Variants in SUPT6H observed in about 807,000 individuals in gnomAD.
SUPT6H encodes transcription elongation factor SPT6.
In SUPT6H, 11 loss-of-function variants were observed where a neutral mutation model predicts 222.3. That is an observed-to-expected ratio of 0.05 (90% CI 0.03 to 0.08). The LOEUF (loss-of-function observed/expected upper bound fraction) is 0.08, where lower values mean the gene tolerates loss of function less well. SUPT6H is among the 10% of genes least tolerant of loss of function. The probability of loss-of-function intolerance (pLI) is 1.00; values close to 1 mark genes in which losing one functional copy is unlikely to be tolerated. For synonymous variants in SUPT6H, 762 were observed against 801.2 expected (o/e 0.95, Z 0.83); for missense variants, 1,422 against 2,216.0 (o/e 0.64, Z 7.19).
chr17:28,663,860 T>C (rs2072116680), intron 1 of SUPT6H, among the ~76,000 whole-genome samples: 1 of 139,522 alleles, frequency 7.2e-6, no homozygotes, highest in Admixed American at 7.2e-5. Flanking sequence ...AGACAGGGTC[T>C]TGCTCTGTTG....
intron 25 of SUPT6H, 91 bp downstream of exon 25, chr17:28,689,652 C>G (rs2031550553): frequency 8.1e-7 from 1 of 1,230,222 alleles, no homozygotes; most frequent in Non-Finnish European, 1.2e-6. Context: ...CAGAGAAAGC[C>G]TGATACTGTT....
chr17:28,696,269 C>T (rs1369011570), intron 29 of SUPT6H, among the ~76,000 whole-genome samples: 2 of 135,764 alleles, frequency 1.5e-5, no homozygotes, highest in African/African-American at 5.6e-5. Flanking sequence ...TACAGTACAA[C>T]GTGGGTGACA....
Position 28,678,868 on chromosome 17 carries a change from G to C in SUPT6H, c.1254G>C (p.Glu418Asp). 6.2e-7 allele frequency: 1 copy of C among 1,614,218 alleles called. No homozygotes were observed. The highest frequency in any genetic ancestry group is 8.5e-7 in the Non-Finnish European group (1 of 1,180,050). The change falls in exon 11 of 37, where the codon GAG becomes GAC. Residue 418 changes from glutamate (E) to aspartate (D), a missense_variant. Glu to Asp is a conservative substitution (Grantham distance 45, BLOSUM62 2). This residue lies in a region of SUPT6H where 389 missense variants were observed against 544.6 expected (regional missense o/e 0.71). Coordinates refer to ENST00000314616, the MANE Select transcript of SUPT6H (RefSeq NM_003170.5). Reference sequence around the variant, plus strand: ...AAGAGAACCTAACACGGCTGTTTGAGAAGATGCAGGCTTATCAGTATGAAC... The same window carrying C: ...AAGAGAACCTAACACGGCTGTTTGACAAGATGCAGGCTTATCAGTATGAAC... Reference protein sequence around the residue: ...IRKENLTRLFEKMQAYQYEQI... With the variant: ...IRKENLTRLFDKMQAYQYEQI...
intron 32 of SUPT6H, among the ~76,000 whole-genome samples, chr17:28,698,377 TCA>T (rs1296794217): frequency 6.6e-6 from 1 of 152,174 alleles, no homozygotes; most frequent in Non-Finnish European, 1.5e-5. Flanking sequence ...TGCCTCACCC[TCA>T]CCAGGGCTTG....
intron 19 of SUPT6H, among the ~76,000 whole-genome samples, chr17:28,685,508 T>C (rs1451783226): frequency 7.0e-6 from 1 of 143,528 alleles, no homozygotes; most frequent in Non-Finnish European, 1.5e-5. Flanking sequence ...TTATTATTAT[T>C]GAAACAGAGT....
chr17:28,700,581 C>T (rs2032092453), intron 35 of SUPT6H, 69 bp downstream of exon 35: 1 of 1,552,034 alleles, frequency 6.4e-7, no homozygotes, highest in African/African-American at 1.4e-5. Flanking sequence ...GCATTGCCCA[C>T]AAGGGGCTTC....
At chr17:28,687,872 G>T (rs1252621171) in intron 23 of SUPT6H, among the ~76,000 whole-genome samples, 3 of 151,642 alleles carry the variant, frequency 2.0e-5, no homozygotes, top group African/African-American at 7.3e-5. Flanking sequence ...ATGGTCTTTG[G>T]TGTAGGTATA....
In SUPT6H at chr17:28,701,216, C is replaced by T. The variant is rs914077242; in HGVS notation, c.4994+88C>T. 21 of 1,503,040 alleles carry T rather than the reference C, an allele frequency of 1.4e-5. 1 individual carries two copies. In the East Asian group the frequency reaches 4.8e-4, roughly 34 times the overall value. 93.1% of individuals were successfully genotyped at this position (1,503,040 alleles called of 1,614,324 possible). A position where few individuals can be genotyped will look rare whatever the true frequency, so the allele number is the denominator to read the frequency against. Reference sequence around the variant, plus strand: ...GAAAGGCTTAGCAGAGGCAGGTGCTCTGGATCCTCTGAGGGCCCTGACCAC... The same window carrying T: ...GAAAGGCTTAGCAGAGGCAGGTGCTTTGGATCCTCTGAGGGCCCTGACCAC... On this transcript the variant is annotated intron_variant, in intron 36 of 36. Transcript: ENST00000314616.
chr17:28,682,072 T>C (rs1263774432), intron 13 of SUPT6H, 92 bp downstream of exon 13: 6 of 1,030,514 alleles, frequency 5.8e-6, no homozygotes, highest in South Asian at 1.5e-5. Context: ...AAAGAAAGGC[T>C]ATCTGGGTCA....
At chr17:28,663,411 A>G (rs1048950517) in intron 1 of SUPT6H, among the ~76,000 whole-genome samples, 1 of 152,208 alleles carries the variant, frequency 6.6e-6, no homozygotes, top group African/African-American at 2.4e-5. Flanking sequence ...TAACTTCATC[A>G]GGAGATTAAT....
rs113315595 is a variant in SUPT6H at position 28,670,545 on chromosome 17, T to C, written c.-31-2826T>C. Among the ~76,000 whole-genome samples the C allele has an allele frequency of 5.2e-3, 789 of 152,326 alleles. 3 individuals carry two copies. Among genetic ancestry groups the C allele is most frequent in the African/African-American group, 0.018 (763 of 41,564 alleles). ...TGTAATATATAAAACGATTTTATGGTCCTTATTTTCATATTTCTATCTCTA... is the reference window on the plus strand; with the variant it reads ...TGTAATATATAAAACGATTTTATGGCCCTTATTTTCATATTTCTATCTCTA... On this transcript the variant is annotated intron_variant, in intron 1 of 36. Transcript: ENST00000314616.
intron 1 of SUPT6H, among the ~76,000 whole-genome samples, chr17:28,662,623 A>T (rs1567680663): frequency 6.6e-6 from 1 of 152,088 alleles, no homozygotes; most frequent in African/African-American, 2.4e-5. Context: ...GCAGGTTTTT[A>T]AAACTGGGCC....
chr17:28,686,896 G>A, intron 21 of SUPT6H, 107 bp downstream of exon 21: 2 of 1,486,752 alleles, frequency 1.3e-6, no homozygotes, highest in Non-Finnish European at 1.8e-6. Flanking sequence ...CTGTACCTGT[G>A]TACTTATCCA....
intron 1 of SUPT6H, among the ~76,000 whole-genome samples, chr17:28,663,289 G>C (rs2072098537): frequency 1.3e-5 from 2 of 152,160 alleles, no homozygotes; most frequent in South Asian, 4.1e-4. Flanking sequence ...TGTGAATTTA[G>C]AGCCCTTTTT....
chr17:28,674,740 A>G (rs769371303), intron 4 of SUPT6H, 127 bp downstream of exon 4: 15 of 947,520 alleles, frequency 1.6e-5, no homozygotes, highest in South Asian at 1.3e-4. Context: ...GTTCGGTATC[A>G]TTGTACTACG....
At chr17:28,665,915 C>G (rs1174845191) in intron 1 of SUPT6H, among the ~76,000 whole-genome samples, 2 of 152,182 alleles carry the variant, frequency 1.3e-5, no homozygotes, top group East Asian at 1.9e-4. Context: ...GACCCCATCT[C>G]AGAAAATAAT....
intron 7 of SUPT6H, among the ~76,000 whole-genome samples, chr17:28,676,948 G>A (rs1402745809): frequency 6.6e-6 from 1 of 152,028 alleles, no homozygotes; most frequent in Non-Finnish European, 1.5e-5. Flanking sequence ...AATGCTTATG[G>A]CCAGGCACGG....
Position 28,683,792 on chromosome 17 carries a change from T to G in SUPT6H, c.2205T>G (p.Ala735=). 1.2e-6 allele frequency: 2 copies of G among 1,613,318 alleles called. No individual in the cohort carries two copies. Among genetic ancestry groups the G allele is most frequent in the Non-Finnish European group, 1.7e-6 (2 of 1,179,916 alleles). The change falls in exon 17 of 37, where the codon GCT becomes GCG. Residue 735 remains alanine, a synonymous_variant. Coordinates refer to ENST00000314616, the MANE Select transcript of SUPT6H (RefSeq NM_003170.5). ...MAKELKNKLL[A]EAKEYVIKAC... ...AAGAACTCAAGAACAAGCTGCTGGCTGAAGCCAAGGAATATGTCATAAAGG... is the reference window on the plus strand; with the variant it reads ...AAGAACTCAAGAACAAGCTGCTGGCGGAAGCCAAGGAATATGTCATAAAGG...
intron 26 of SUPT6H, 92 bp from the exon 27 acceptor site, chr17:28,690,829 G>A: frequency 2.1e-6 from 3 of 1,410,074 alleles, no homozygotes; most frequent in Non-Finnish European, 1.9e-6. Context: ...GGATGGGAAG[G>A]AAGTCAGATA....
Sources: allele counts gnomAD v4.1 joint callset (sites outside exome capture counted in the v4.1 genomes callset), GRCh38; gene constraint gnomAD v4.1.1; regional missense constraint gnomAD v4.1.1; transcripts MANE v1.5; gene names NCBI Gene and HGNC (gene_info 2026-07-23, HGNC 2026-07-21).